LUZP2: variants seen among roughly 807,000 people sequenced by gnomAD.
LUZP2 encodes leucine zipper protein 2.
A neutral mutation model predicts 51.6 loss-of-function variants in LUZP2; 52 were observed. The observed-to-expected ratio is 1.01, with a 90% CI of 0.81 to 1.27. The LOEUF (loss-of-function observed/expected upper bound fraction) is 1.27, where lower values mean the gene tolerates loss of function less well. Ranked by LOEUF, LUZP2 falls within the 50% of genes most tolerant of loss-of-function variation. The probability of loss-of-function intolerance (pLI) is 0.00; values close to 1 mark genes in which losing one functional copy is unlikely to be tolerated. For synonymous variants in LUZP2, 154 were observed against 137.3 expected, an observed-to-expected ratio of 1.12 and a Z score of -0.85; for missense variants, 436 against 395.4, an observed-to-expected ratio of 1.10 and a Z score of -0.87.
intron 4 of LUZP2, among the ~76,000 whole-genome samples, chr11:24,747,538 G>A (rs1214049036): frequency 1.3e-5 from 2 of 152,248 alleles, no homozygotes; most frequent in East Asian, 3.9e-4. Flanking sequence ...CTGCCAGCAC[G>A]AGGCCCTTTC....
At position 25,002,911 on chromosome 11, in the gene LUZP2, C is replaced by T. The variant is rs574804969; in HGVS notation, c.765+19618C>T. Among the ~76,000 whole-genome samples the T allele has an allele frequency of 2.0e-5, 3 of 152,234 alleles. No individual in the cohort carries two copies. The South Asian group carries it at 6.2e-4, about 32-fold the overall frequency. ...TTAGAGTATACAGGAGCCTGGCTACCTTGCTGTATACAGGGATCCATAGTC... is the reference window on the plus strand; with the variant it reads ...TTAGAGTATACAGGAGCCTGGCTACTTTGCTGTATACAGGGATCCATAGTC... On this transcript the variant is annotated intron_variant, in intron 9 of 11. Transcript: ENST00000336930.
intron 5 of LUZP2, among the ~76,000 whole-genome samples, chr11:24,781,521 C>G (rs1160311895): frequency 6.6e-6 from 1 of 151,774 alleles, no homozygotes; most frequent in Non-Finnish European, 1.5e-5. Context: ...GAAGACAACA[C>G]TAGATGGAGT....
intron 1 of LUZP2, among the ~76,000 whole-genome samples, chr11:24,634,525 C>T (rs1408547745): frequency 1.3e-5 from 2 of 151,980 alleles, no homozygotes; most frequent in Admixed American, 6.6e-5. Flanking sequence ...TTCAAGATCT[C>T]ATTCCCTATT....
chr11:24,712,656 A>AT (rs542815177), intron 1 of LUZP2, among the ~76,000 whole-genome samples: 22 of 151,988 alleles, frequency 1.4e-4, no homozygotes, highest in Non-Finnish European at 2.4e-4. Flanking sequence ...ACTTAGCAAG[A>AT]TTTTTTTTAT....
chr11:24,983,197 T>C lies in LUZP2; in HGVS notation c.669T>C (p.Pro223=), dbSNP rs776905516. The part of the protein sequence containing the change: ...CLTSVFRDQP[P]PPLSLITSNP... ...CATCTGTTTTCCGTGATCAGCCTCC[T>C]CCCCCTTTGAGTTTAATCACATCAA... Residue 223 remains proline (P), a synonymous_variant, in exon 9 of 12, where the codon CCT becomes CCC. Coordinates refer to ENST00000336930, the MANE Select transcript of LUZP2 (RefSeq NM_001009909.4). 1.1e-5 allele frequency: 17 copies of C among 1,612,204 alleles called. No homozygotes were observed. Among genetic ancestry groups the C allele is most frequent in the Admixed American group, 1.7e-5 (1 of 59,774 alleles).
chr11:24,645,840 A>AGTGTGT (rs3077994), intron 1 of LUZP2, among the ~76,000 whole-genome samples: 8 of 149,682 alleles, frequency 5.3e-5, no homozygotes, highest in African/African-American at 1.7e-4. Flanking sequence ...ATATATATTA[A>AGTGTGT]GTGTGTGTGT....
At chr11:24,497,535 C>G (rs1849863920) in intron 1 of LUZP2, among the ~76,000 whole-genome samples, 1 of 152,202 alleles carries the variant, frequency 6.6e-6, no homozygotes, top group Non-Finnish European at 1.5e-5. Context: ...AGTGAGGGAT[C>G]AAAAGCTTTC....
At chr11:24,846,335 A>G (rs1259830460) in intron 5 of LUZP2, among the ~76,000 whole-genome samples, 1 of 152,086 alleles carries the variant, frequency 6.6e-6, no homozygotes, top group Non-Finnish European at 1.5e-5. Context: ...CAAATCCGCC[A>G]AATAAAAGAA....
chr11:24,720,268 TG>T (rs1565097676), intron 1 of LUZP2, among the ~76,000 whole-genome samples: 4 of 152,244 alleles, frequency 2.6e-5, no homozygotes, highest in South Asian at 2.1e-4. Context: ...CTATCCAATT[TG>T]TTTCATGAGA....
intron 4 of LUZP2, among the ~76,000 whole-genome samples, chr11:24,741,676 AT>A (rs1017652282): frequency 4.0e-5 from 6 of 151,058 alleles, no homozygotes; most frequent in African/African-American, 1.5e-4. Context: ...TTCGTTTTCC[AT>A]TCCTGAGTTA....
Position 24,987,889 on chromosome 11 carries a change from G to A in LUZP2, c.765+4596G>A, listed in dbSNP as rs79039041. On this transcript the variant is annotated intron_variant, in intron 9 of 11. Transcript: ENST00000336930. ...CTAGGCGGCATCTTCAAATTATTATGGGCTTCAAAAATGCTCACACCTGGG... is the reference window on the plus strand; with the variant it reads ...CTAGGCGGCATCTTCAAATTATTATAGGCTTCAAAAATGCTCACACCTGGG... Among the ~76,000 whole-genome samples the A allele has an allele frequency of 7.7e-3, 1,174 of 151,954 alleles. 33 individuals are homozygous for A. In the East Asian group the frequency reaches 0.099, roughly 13 times the overall value.
intron 5 of LUZP2, among the ~76,000 whole-genome samples, chr11:24,779,427 A>T (rs1036053609): frequency 6.6e-6 from 1 of 152,216 alleles, no homozygotes; most frequent in Non-Finnish European, 1.5e-5. Context: ...AACATTTGAG[A>T]TACTTAAATG....
chr11:24,522,952 C>T (rs1284868197), intron 1 of LUZP2, among the ~76,000 whole-genome samples: 2 of 152,042 alleles, frequency 1.3e-5, no homozygotes, highest in East Asian at 1.9e-4. Context: ...TGCCTTACCT[C>T]GTTCACTAAC....
intron 7 of LUZP2, among the ~76,000 whole-genome samples, chr11:24,926,392 T>TGTGTATATATATAC (rs1854256772): frequency 8.0e-6 from 1 of 125,406 alleles, no homozygotes; most frequent in African/African-American, 3.1e-5. Context: ...TATATATACG[T>TGTGTATATATATAC]GTGTATATAT....
At chr11:24,900,963 TTCTC>T (rs1360983456) in intron 5 of LUZP2, among the ~76,000 whole-genome samples, 2 of 152,150 alleles carry the variant, frequency 1.3e-5, no homozygotes, top group African/African-American at 4.8e-5. Flanking sequence ...CTGATCACCT[TTCTC>T]TAATGTTAAA....
intron 1 of LUZP2, among the ~76,000 whole-genome samples, chr11:24,559,832 T>G (rs1851978412): frequency 6.6e-6 from 1 of 152,182 alleles, no homozygotes; most frequent in Non-Finnish European, 1.5e-5. Flanking sequence ...GATTTTACCT[T>G]GTAATTCACT....
At chr11:25,062,199 G>A (rs573083619) in intron 10 of LUZP2, among the ~76,000 whole-genome samples, 1 of 145,804 alleles carries the variant, frequency 6.9e-6, no homozygotes, top group East Asian at 1.9e-4. Flanking sequence ...AGAGAGAGAG[G>A]TAGAAATAAT....
intron 8 of LUZP2, among the ~76,000 whole-genome samples, chr11:24,979,119 C>T (rs1056329719): frequency 6.6e-6 from 1 of 151,694 alleles, no homozygotes; most frequent in Non-Finnish European, 1.5e-5. Context: ...GAAAATTACA[C>T]GTAGCCAAAA....
Position 24,983,201 on chromosome 11 carries a change from C to A in LUZP2, c.673C>A (p.Pro225Thr), listed in dbSNP as rs200569816. ...TGTTTTCCGTGATCAGCCTCCTCCC[C>A]CTTTGAGTTTAATCACATCAAATCC... ...TSVFRDQPPP[P>T]LSLITSNPTR... is the part of the protein sequence containing the mutation. The change falls in exon 9 of 12, where the codon CCT (proline) becomes ACT (threonine). Residue 225 changes from proline (P) to threonine (T), a missense_variant. By Grantham distance (38) the Pro-to-Thr change is conservative (BLOSUM62 -1). Transcript: ENST00000336930. The A allele has an allele frequency of 1.5e-5, 24 of 1,612,272 alleles. No homozygotes were observed. The highest frequency in any genetic ancestry group is 4.5e-5 in the East Asian group (2 of 44,812).
Sources: allele counts gnomAD v4.1 joint callset (sites outside exome capture counted in the v4.1 genomes callset), GRCh38; gene constraint gnomAD v4.1.1; transcripts MANE v1.5; gene names NCBI Gene and HGNC (gene_info 2026-07-23, HGNC 2026-07-21).